The following CDH12 variants were observed in gnomAD, a reference collection of about 807,000 sequenced individuals.
CDH12 encodes cadherin 12.
CDH12 carries 41 observed loss-of-function variants against 74.1 expected under a neutral mutation model. That is an observed-to-expected ratio of 0.55 (90% confidence interval 0.43 to 0.72). The LOEUF is 0.72. Among genes scored for constraint, CDH12 ranks in the 30% least tolerant of loss-of-function variants. The pLI, the probability that CDH12 is intolerant of heterozygous loss-of-function variation, is 0.00. For synonymous variants in CDH12, 399 were observed against 355.0 expected (o/e 1.12, Z -1.39); for missense variants, 945 against 977.2 (o/e 0.97, Z 0.44).
At chr5:21,810,973 G>A (rs1470459945) in intron 9 of CDH12, among the ~76,000 whole-genome samples, 3 of 152,096 alleles carry the variant, frequency 2.0e-5, no homozygotes, top group East Asian at 3.9e-4. Context: ...ACTGATTTAC[G>A]GGTAAGTATA....
chr5:22,550,448 T>A (rs1234520243), intron 1 of CDH12, among the ~76,000 whole-genome samples: 1 of 152,192 alleles, frequency 6.6e-6, no homozygotes, highest in African/African-American at 2.4e-5. Flanking sequence ...CCCATCTCAA[T>A]AAATGTCACT....
intron 5 of CDH12, among the ~76,000 whole-genome samples, chr5:22,071,643 C>G (rs886831559): frequency 7.2e-5 from 11 of 151,788 alleles, no homozygotes; most frequent in Non-Finnish European, 1.5e-4. Context: ...TGTAATTTTC[C>G]CTAGAGTATA....
rs569765975 is a variant in CDH12 at position 22,008,939 on chromosome 5, T to C, written c.232-33554A>G. 7.2e-5 allele frequency among the ~76,000 whole-genome samples: 11 copies of C among 152,328 alleles called. No homozygotes were observed. In the South Asian group the frequency reaches 2.3e-3, roughly 32 times the overall value. Reference sequence around the variant, plus strand: ...AGACAGTCATGATTATCTTCCATCCTCTTCTATGGCGTAGAACTTGCTTAA... The same window carrying C: ...AGACAGTCATGATTATCTTCCATCCCCTTCTATGGCGTAGAACTTGCTTAA... On this transcript the variant is annotated intron_variant, in intron 5 of 14. Transcript: ENST00000382254.
intron 4 of CDH12, among the ~76,000 whole-genome samples, chr5:22,209,614 T>A (rs4701575): frequency 6.7e-6 from 1 of 149,574 alleles, no homozygotes; most frequent in Non-Finnish European, 1.5e-5. Flanking sequence ...CAGTAGAGTG[T>A]TTTTTCTGTC....
rs1335399805 is a variant in CDH12, at chr5:22,315,098, C to A, written c.-333+90159G>T. On this transcript the variant is annotated intron_variant, in intron 3 of 14. Coordinates refer to ENST00000382254, the MANE Select transcript of CDH12 (RefSeq NM_004061.5). Reference sequence around the variant, plus strand: ...GCCTCAGTAGCCAGGACTACAGGCGCCTGCCACCGTGCCTGCCTGGCTTTT... The same window carrying A: ...GCCTCAGTAGCCAGGACTACAGGCGACTGCCACCGTGCCTGCCTGGCTTTT... 2.4e-5 allele frequency among the ~76,000 whole-genome samples: 3 copies of A among 123,454 alleles called. 1 individual carries two copies. Among genetic ancestry groups the A allele is most frequent in the Non-Finnish European group, 5.1e-5 (3 of 59,094 alleles). The allele number at this position is 123,454 out of a possible 152,430, so 81.0% of individuals were successfully genotyped here.
At chr5:22,266,100 A>G (rs1736091001) in intron 3 of CDH12, among the ~76,000 whole-genome samples, 1 of 149,674 alleles carries the variant, frequency 6.7e-6, no homozygotes, top group African/African-American at 2.5e-5. Context: ...TCTGAAGCAG[A>G]GTTTCGCTCT....
chr5:22,034,600 T>C (rs1739045849), intron 5 of CDH12, among the ~76,000 whole-genome samples: 1 of 152,164 alleles, frequency 6.6e-6, no homozygotes. Flanking sequence ...AAGGATAATT[T>C]TCTAGTCTCA....
At chr5:22,553,512 A>G (rs1738667427) in intron 1 of CDH12, among the ~76,000 whole-genome samples, 1 of 152,146 alleles carries the variant, frequency 6.6e-6, no homozygotes, top group Non-Finnish European at 1.5e-5. Context: ...TAAAGAAACC[A>G]CATCATTTAT....
chr5:22,153,868 A>T (rs1328858156), intron 4 of CDH12, among the ~76,000 whole-genome samples: 2 of 71,224 alleles, frequency 2.8e-5, no homozygotes, highest in African/African-American at 1.1e-4. Flanking sequence ...GTATATATAT[A>T]TATGTATATA....
In CDH12 at chr5:22,722,169, C is replaced by T. The variant is rs532499192; in HGVS notation, c.-523+130889G>A. On this transcript the variant is annotated intron_variant, in intron 1 of 14. Transcript: ENST00000382254. ...CAAGCTGTAGTTATTTGTTTCCCTACTGTTTGTTGAGTTTCTAGAAAACAC... is the reference window on the plus strand; with the variant it reads ...CAAGCTGTAGTTATTTGTTTCCCTATTGTTTGTTGAGTTTCTAGAAAACAC... Among the ~76,000 whole-genome samples, 3 of 152,320 alleles carry T rather than the reference C, an allele frequency of 2.0e-5. No homozygotes were observed. In the South Asian group the frequency reaches 6.2e-4, roughly 32 times the overall value.
chr5:22,642,153 C>T (rs375548274), intron 1 of CDH12, among the ~76,000 whole-genome samples: 48 of 152,284 alleles, frequency 3.2e-4, no homozygotes, highest in Non-Finnish European at 6.3e-4. Context: ...AAATACTTTT[C>T]GACAGAAGTG....
chr5:22,262,274 C>G (rs1036119073), intron 3 of CDH12, among the ~76,000 whole-genome samples: 2 of 119,990 alleles, frequency 1.7e-5, no homozygotes, highest in African/African-American at 6.2e-5. Context: ...CCCCCTCCCC[C>G]CACCCCACAA....
chr5:22,535,875 T>C lies in CDH12; in HGVS notation c.-522-30511A>G, dbSNP rs562271294. ...ATTCTTGGATTCAACCAACCACAGA[T>C]GAAAAATATTTTTTAAAAAATTGCG... On this transcript the variant is annotated intron_variant, in intron 1 of 14. Coordinates refer to ENST00000382254, the MANE Select transcript of CDH12 (RefSeq NM_004061.5). 2.0e-3 allele frequency among the ~76,000 whole-genome samples: 311 copies of C among 152,326 alleles called. 2 individuals carry two copies. Among genetic ancestry groups the C allele is most frequent in the Middle Eastern group, 3.4e-3 (1 of 294 alleles).
intron 8 of CDH12, among the ~76,000 whole-genome samples, chr5:21,827,714 T>C (rs1748759127): frequency 6.6e-6 from 1 of 152,162 alleles, no homozygotes; most frequent in Admixed American, 6.5e-5. Flanking sequence ...CAAAACCAAC[T>C]TATATTACTT....
At chr5:22,192,589 G>C (rs913544379) in intron 4 of CDH12, among the ~76,000 whole-genome samples, 1 of 151,964 alleles carries the variant, frequency 6.6e-6, no homozygotes, top group African/African-American at 2.4e-5. Flanking sequence ...TTAGGGGTGT[G>C]TGTGTGTACA....
rs1228443814 is a variant in CDH12 at position 22,362,561 on chromosome 5, C to A, written c.-333+42696G>T. On this transcript the variant is annotated intron_variant, in intron 3 of 14. Coordinates refer to ENST00000382254, the MANE Select transcript of CDH12 (RefSeq NM_004061.5). ...ATCTAGAACTAGAAATACCATTTGA[C>A]CCAGCCATCCCATTACTGAGTATAT... is the stretch of plus-strand genomic sequence containing the variant. 1.1e-4 allele frequency among the ~76,000 whole-genome samples: 17 copies of A among 152,116 alleles called. No individual in the cohort carries two copies. In the East Asian group the frequency reaches 3.3e-3, roughly 30 times the overall value.
chr5:22,163,314 T>C (rs909696764), intron 4 of CDH12, among the ~76,000 whole-genome samples: 3 of 152,160 alleles, frequency 2.0e-5, no homozygotes, highest in Non-Finnish European at 4.4e-5. Context: ...CACTTCCAAA[T>C]ACATATTTCC....
intron 1 of CDH12, among the ~76,000 whole-genome samples, chr5:22,730,880 T>G (rs1744402220): frequency 6.6e-6 from 1 of 151,868 alleles, no homozygotes; most frequent in African/African-American, 2.4e-5. Flanking sequence ...AATAAAAGAT[T>G]AAAACAGAAG....
chr5:22,772,763 T>C (rs1056013182), intron 1 of CDH12, among the ~76,000 whole-genome samples: 3 of 152,134 alleles, frequency 2.0e-5, no homozygotes, highest in African/African-American at 7.2e-5. Context: ...TAAGTTTGTT[T>C]GTCTCCATAG....
Sources: gnomAD v4.1 joint callset for allele counts (sites outside exome capture counted in the v4.1 genomes callset) on GRCh38, gnomAD v4.1.1 for gene constraint, MANE v1.5 for transcripts, NCBI Gene and HGNC (gene_info 2026-07-23, HGNC 2026-07-21) for gene names.